COL8A1: variants seen among roughly 807,000 people sequenced by gnomAD.
COL8A1 encodes collagen type VIII alpha 1 chain, also known as collagen alpha-1(VIII) chain.
A neutral mutation model predicts 42.7 loss-of-function variants in COL8A1; 21 were observed. The ratio of observed to expected loss-of-function variants is 0.49; its 90% CI spans 0.35 to 0.71. The LOEUF is 0.71. Ranked by LOEUF, COL8A1 falls within the 30% of genes least tolerant of loss-of-function variation. The pLI is 0.01. For missense variants in COL8A1, 788 were observed against 962.4 expected (o/e 0.82, Z 2.40); for synonymous variants, 367 against 369.1 (o/e 0.99, Z 0.06).
chr3:99,742,796 T>C (rs1358535956), intron 1 of COL8A1, among the ~76,000 whole-genome samples: 1 of 152,216 alleles, frequency 6.6e-6, no homozygotes, highest in East Asian at 1.9e-4. Context: ...ATAAGATACA[T>C]GACATGTACA....
intron 1 of COL8A1, among the ~76,000 whole-genome samples, chr3:99,670,217 C>G (rs1576422976): frequency 2.6e-5 from 4 of 152,058 alleles, no homozygotes; most frequent in Admixed American, 2.6e-4. Context: ...AAGTAAGAAC[C>G]ATTATGGGAA....
intron 1 of COL8A1, among the ~76,000 whole-genome samples, chr3:99,648,848 A>G (rs755774742): frequency 1.3e-5 from 2 of 152,182 alleles, no homozygotes; most frequent in Non-Finnish European, 2.9e-5. Flanking sequence ...CATGACTTAA[A>G]TGTTTCCCCC....
chr3:99,674,535 T>G (rs1938636780), intron 1 of COL8A1, among the ~76,000 whole-genome samples: 1 of 151,894 alleles, frequency 6.6e-6, no homozygotes, highest in Non-Finnish European at 1.5e-5. Flanking sequence ...CAGCCCCAGA[T>G]CATGACTTGA....
chr3:99,765,322 G>A (rs1490297514), intron 2 of COL8A1, among the ~76,000 whole-genome samples: 6 of 152,086 alleles, frequency 3.9e-5, no homozygotes, highest in African/African-American at 1.4e-4. Flanking sequence ...CCAACAGCAA[G>A]AGAATGAACT....
chr3:99,785,552 A>G (rs1941877789), intron 2 of COL8A1, among the ~76,000 whole-genome samples: 1 of 152,208 alleles, frequency 6.6e-6, no homozygotes, highest in Non-Finnish European at 1.5e-5. Context: ...AGAAGGTGTT[A>G]TGGGCTGAGT....
chr3:99,796,062 G>C lies in COL8A1; in HGVS notation c.2161G>C (p.Glu721Gln). The C allele has an allele frequency of 6.2e-7, 1 of 1,610,854 alleles. No homozygotes were observed. The highest frequency in any genetic ancestry group is 1.1e-5 in the South Asian group (1 of 90,792). ...GDRVFLQMPS[E>Q]QAAGLYAGQY... is the part of the protein sequence containing the mutation. ...CCGGGTGTTCCTCCAGATGCCCTCAGAACAGGCTGCAGGACTGTATGCCGG... is the reference window on the plus strand; with the variant it reads ...CCGGGTGTTCCTCCAGATGCCCTCACAACAGGCTGCAGGACTGTATGCCGG... The change falls in exon 4 of 4, where the codon GAA becomes CAA. Residue 721 changes from glutamate to glutamine, a missense_variant. Coordinates refer to ENST00000652472, the MANE Select transcript of COL8A1 (RefSeq NM_020351.4).
At chr3:99,686,496 C>G (rs947346918) in intron 1 of COL8A1, among the ~76,000 whole-genome samples, 6 of 152,068 alleles carry the variant, frequency 3.9e-5, no homozygotes. Flanking sequence ...CCTTCCTTAT[C>G]CTATCCTAAG....
intron 1 of COL8A1, among the ~76,000 whole-genome samples, chr3:99,734,682 T>C (rs945352139): frequency 8.6e-5 from 13 of 151,998 alleles, no homozygotes; most frequent in Admixed American, 2.6e-4. Flanking sequence ...TCCAATTCTG[T>C]GAAGAAAGGC....
At chr3:99,722,938 G>T (rs73860418) in intron 1 of COL8A1, among the ~76,000 whole-genome samples, 4,011 of 151,702 alleles carry the variant, frequency 0.026, 164 homozygotes, top group African/African-American at 0.088. Context: ...ATTACTTATG[G>T]AAACACAATT....
intron 1 of COL8A1, among the ~76,000 whole-genome samples, chr3:99,651,669 A>G (rs926199967): frequency 1.3e-5 from 2 of 151,118 alleles, no homozygotes; most frequent in Non-Finnish European, 2.9e-5. Flanking sequence ...ATTCTAACCT[A>G]TTAATAAGCC....
intron 1 of COL8A1, among the ~76,000 whole-genome samples, chr3:99,737,423 G>T (rs1301645067): frequency 2.6e-5 from 4 of 151,874 alleles, no homozygotes; most frequent in African/African-American, 9.7e-5. Flanking sequence ...GGCAGGCCTG[G>T]TGGTGACAAA....
chr3:99,643,323 G>A (rs950040795), intron 1 of COL8A1, among the ~76,000 whole-genome samples: 12 of 152,186 alleles, frequency 7.9e-5, no homozygotes, highest in Non-Finnish European at 1.5e-4. Context: ...TCTAGGACAC[G>A]TTGACATAAA....
Position 99,794,982 on chromosome 3 carries a change from G to T in COL8A1, c.1081G>T (p.Asp361Tyr), listed in dbSNP as rs1298708898. 6.2e-7 allele frequency: 1 copy of T among 1,605,094 alleles called. No homozygotes were observed. Among genetic ancestry groups the T allele is most frequent in the South Asian group, 1.1e-5 (1 of 90,090 alleles). Reference protein sequence around the residue: ...GKPGFPGPKGDRGMGGVPGAL... With the variant: ...GKPGFPGPKGYRGMGGVPGAL... ...ACCAGGCTTCCCAGGACCCAAAGGTGACCGGGGCATGGGAGGTGTTCCTGG... is the reference window on the plus strand; with the variant it reads ...ACCAGGCTTCCCAGGACCCAAAGGTTACCGGGGCATGGGAGGTGTTCCTGG... The change falls in exon 4 of 4, where the codon GAC becomes TAC. Residue 361 changes from aspartate to tyrosine, a missense_variant. Physicochemically the swap from Asp to Tyr is radical, Grantham distance 160 (BLOSUM62 -3). Transcript: ENST00000652472. This position sits in a 1 kb window ranked among gnomAD's most constrained non-coding sequence, Gnocchi z 4.3.
rs1045113549 is a variant in COL8A1, at chr3:99,737,083, T to G, written c.-128-7814T>G. On this transcript the variant is annotated intron_variant, in intron 1 of 3. Coordinates refer to ENST00000652472, the MANE Select transcript of COL8A1 (RefSeq NM_020351.4). ...TGTCTTTTTTTGTTTTCCATTTGCTTGGTAGATCTTCCTCCATCCTTTTAT... is the reference window on the plus strand; with the variant it reads ...TGTCTTTTTTTGTTTTCCATTTGCTGGGTAGATCTTCCTCCATCCTTTTAT... 2.6e-4 allele frequency among the ~76,000 whole-genome samples: 39 copies of G among 152,232 alleles called. 1 individual carries two copies. The highest frequency in any genetic ancestry group is 1.3e-4 in the Admixed American group (2 of 15,284).
intron 1 of COL8A1, among the ~76,000 whole-genome samples, chr3:99,698,340 G>A (rs1165187318): frequency 6.6e-6 from 1 of 152,198 alleles, no homozygotes; most frequent in African/African-American, 2.4e-5. Context: ...CCAGTAATGG[G>A]ATGGCTGGAT....
chr3:99,775,893 G>T (rs984147927), intron 2 of COL8A1, among the ~76,000 whole-genome samples: 1 of 152,080 alleles, frequency 6.6e-6, no homozygotes, highest in Non-Finnish European at 1.5e-5. Context: ...ACAAAATCTG[G>T]GTATTGAGGA....
chr3:99,760,891 C>T (rs1178037075), intron 2 of COL8A1, among the ~76,000 whole-genome samples: 1 of 152,190 alleles, frequency 6.6e-6, no homozygotes, highest in African/African-American at 2.4e-5. Context: ...TTGGGAGTAA[C>T]ACAAACAGGG....
At chr3:99,702,923 G>C (rs1939582115) in intron 1 of COL8A1, among the ~76,000 whole-genome samples, 1 of 152,148 alleles carries the variant, frequency 6.6e-6, no homozygotes, top group South Asian at 2.1e-4. Context: ...AAATGAGGGA[G>C]TGAGCTATAA....
chr3:99,674,266 C>G (rs897707612), intron 1 of COL8A1, among the ~76,000 whole-genome samples: 5 of 151,892 alleles, frequency 3.3e-5, no homozygotes, highest in Non-Finnish European at 7.4e-5. Flanking sequence ...CCAGAGTGTG[C>G]CTTCATACCT....
Sources: gnomAD v4.1 joint callset for allele counts (sites outside exome capture counted in the v4.1 genomes callset) on GRCh38, gnomAD v4.1.1 for gene constraint, Gnocchi (gnomAD v3.1) non-coding constraint, MANE v1.5 for transcripts, NCBI Gene and HGNC (gene_info 2026-07-23, HGNC 2026-07-21) for gene names.